The following MAGI1 variants were observed in gnomAD, a reference collection of about 807,000 sequenced individuals.
MAGI1 encodes the protein membrane-associated guanylate kinase, WW and PDZ domain-containing protein 1.
Under a neutral mutation model 139.9 loss-of-function variants are expected in MAGI1, and 58 were observed. The observed-to-expected ratio is 0.41, with a 90% CI of 0.34 to 0.52. The LOEUF (loss-of-function observed/expected upper bound fraction) is 0.52, where lower values mean the gene tolerates loss of function less well. Among genes scored for constraint, MAGI1 ranks in the 20% least tolerant of loss-of-function variants. MAGI1 has a pLI of 0.12. For synonymous variants in MAGI1, 812 were observed against 737.9 expected (o/e 1.10, Z -1.63); for missense variants, 1,874 against 1,901.6 (o/e 0.99, Z 0.27).
chr3:65,407,934 G>A (rs997398742), intron 12 of MAGI1, among the ~76,000 whole-genome samples: 1 of 152,112 alleles, frequency 6.6e-6, no homozygotes, highest in Non-Finnish European at 1.5e-5. Context: ...TTGGCTCAAT[G>A]ACTTACTACC....
In MAGI1 at chr3:65,379,569, T is replaced by C; in HGVS notation, c.2702-15A>G. On this transcript the variant is annotated splice_polypyrimidine_tract_variant and intron_variant, in intron 16 of 22. Transcript: ENST00000402939. ...GGTTTTGGGCACTGTAGCAGAGAGA[T>C]GCACGCGTACATCACCGTGTCCTGC... 2 of 1,597,588 alleles carry C rather than the reference T, an allele frequency of 1.3e-6. No individual in the cohort carries two copies. Among genetic ancestry groups the C allele is most frequent in the East Asian group, 2.3e-5 (1 of 44,394 alleles).
At chr3:65,373,522 G>A (rs1476051022) in intron 18 of MAGI1, among the ~76,000 whole-genome samples, 1 of 152,182 alleles carries the variant, frequency 6.6e-6, no homozygotes, top group Admixed American at 6.5e-5. Context: ...AAATGACACT[G>A]ACAGACTTGC....
chr3:65,671,320 T>C (rs577771836), intron 1 of MAGI1, among the ~76,000 whole-genome samples: 2 of 152,176 alleles, frequency 1.3e-5, no homozygotes, highest in Non-Finnish European at 2.9e-5. Flanking sequence ...TGCTCTGCAT[T>C]GCTATGCACT....
intron 1 of MAGI1, among the ~76,000 whole-genome samples, chr3:65,869,546 A>G (rs984688220): frequency 1.3e-4 from 20 of 151,302 alleles, no homozygotes; most frequent in South Asian, 6.3e-4. Flanking sequence ...GACTACAGGC[A>G]CCCGCCACCA....
At chr3:65,417,847 A>T (rs1946341538) in intron 12 of MAGI1, among the ~76,000 whole-genome samples, 1 of 152,206 alleles carries the variant, frequency 6.6e-6, no homozygotes, top group African/African-American at 2.4e-5. Context: ...TAAAAAATAC[A>T]TGATGAGTCA....
At chr3:65,403,623 C>T (rs1180734577) in intron 12 of MAGI1, among the ~76,000 whole-genome samples, 2 of 152,138 alleles carry the variant, frequency 1.3e-5, no homozygotes, top group South Asian at 4.1e-4. Context: ...TCTTTTACTG[C>T]ACTTGACTCT....
intron 8 of MAGI1, among the ~76,000 whole-genome samples, chr3:65,441,681 G>C (rs1288020341): frequency 1.3e-5 from 2 of 152,108 alleles, no homozygotes; most frequent in East Asian, 3.9e-4. Flanking sequence ...GATGATCTTT[G>C]GGGCACACAA....
At chr3:65,816,535 G>A (rs2041612453) in intron 1 of MAGI1, among the ~76,000 whole-genome samples, 1 of 152,014 alleles carries the variant, frequency 6.6e-6, no homozygotes, top group South Asian at 2.1e-4. Context: ...AAACAAAGTG[G>A]CAAGTACATG....
At chr3:65,686,847 G>GA (rs1418946031) in intron 1 of MAGI1, among the ~76,000 whole-genome samples, 4 of 152,272 alleles carry the variant, frequency 2.6e-5, no homozygotes, top group Admixed American at 2.6e-4. Context: ...AAATTTAGAG[G>GA]AAACTGCTAC....
At chr3:65,696,826 T>C (rs1365277396) in intron 1 of MAGI1, among the ~76,000 whole-genome samples, 5 of 152,132 alleles carry the variant, frequency 3.3e-5, no homozygotes, top group Admixed American at 6.6e-5. Flanking sequence ...ATGTGATCCC[T>C]GGACTCAGCA....
At chr3:65,972,502 T>G (rs891466) in intron 1 of MAGI1, among the ~76,000 whole-genome samples, 124,838 of 152,048 alleles carry the variant, frequency 0.82, 51,437 homozygotes, top group Admixed American at 0.89. Context: ...GTTTCTATTA[T>G]GTAAACAACT....
chr3:65,468,109 G>C (rs1247653733), intron 5 of MAGI1, among the ~76,000 whole-genome samples: 1 of 152,076 alleles, frequency 6.6e-6, no homozygotes, highest in East Asian at 1.9e-4. Flanking sequence ...TGAGATGCAA[G>C]AAGTAAACTC....
At chr3:65,589,256 T>G (rs1178283221) in intron 2 of MAGI1, among the ~76,000 whole-genome samples, 2 of 152,208 alleles carry the variant, frequency 1.3e-5, no homozygotes, top group Non-Finnish European at 2.9e-5. Context: ...AACAAGATAC[T>G]ATGAAAACAG....
At chr3:65,635,054 G>A (rs1426168571) in intron 1 of MAGI1, among the ~76,000 whole-genome samples, 1 of 151,830 alleles carries the variant, frequency 6.6e-6, no homozygotes, top group Non-Finnish European at 1.5e-5. Flanking sequence ...GCGTGGGTTT[G>A]GAAACTTTCA....
At chr3:65,423,380 A>ACG (rs897407068) in intron 12 of MAGI1, among the ~76,000 whole-genome samples, 3 of 150,448 alleles carry the variant, frequency 2.0e-5, no homozygotes, top group African/African-American at 4.9e-5. Context: ...GCGTGCACAC[A>ACG]CGCGCACACA....
At chr3:65,994,560 G>C (rs137943855) in intron 1 of MAGI1, among the ~76,000 whole-genome samples, 203 of 152,258 alleles carry the variant, frequency 1.3e-3, no homozygotes, top group African/African-American at 4.5e-3. Flanking sequence ...TAGTGGCTTA[G>C]AACAACCAAC....
At chr3:65,653,544 T>C (rs996182248) in intron 1 of MAGI1, among the ~76,000 whole-genome samples, 1 of 152,178 alleles carries the variant, frequency 6.6e-6, no homozygotes, top group Non-Finnish European at 1.5e-5. Flanking sequence ...ATCACACTTA[T>C]GCAGGATTTT....
rs553686557 is a variant in MAGI1, at chr3:65,963,820, T to C, written c.313+74176A>G. Among the ~76,000 whole-genome samples, 7 of 152,354 alleles carry C rather than the reference T, an allele frequency of 4.6e-5. No individual in the cohort carries two copies. In the East Asian group the frequency reaches 1.3e-3, roughly 29 times the overall value. On this transcript the variant is annotated intron_variant, in intron 1 of 22. Transcript: ENST00000402939. Reference sequence around the variant, plus strand: ...GAGCTTTGCTTGTTGTATACATTTATTTATTTCAAGATTTGGCACAATGCC... The same window carrying C: ...GAGCTTTGCTTGTTGTATACATTTACTTATTTCAAGATTTGGCACAATGCC...
At chr3:65,681,907 C>G (rs999167852) in intron 1 of MAGI1, among the ~76,000 whole-genome samples, 15 of 152,046 alleles carry the variant, frequency 9.9e-5, no homozygotes, top group African/African-American at 3.6e-4. Context: ...CGATAGGTTG[C>G]CCAGGCTGGT....
Sources: allele counts gnomAD v4.1 joint callset (sites outside exome capture counted in the v4.1 genomes callset), GRCh38; gene constraint gnomAD v4.1.1; transcripts MANE v1.5; gene names NCBI Gene and HGNC (gene_info 2026-07-23, HGNC 2026-07-21).